SLC1A7: variants seen among roughly 807,000 people sequenced by gnomAD.
SLC1A7 encodes solute carrier family 1 member 7.
SLC1A7 carries 40 observed loss-of-function variants against 47.7 expected under a neutral mutation model. That is an observed-to-expected ratio of 0.84 (90% CI 0.65 to 1.09). SLC1A7 has a LOEUF of 1.09. Among genes scored for constraint, SLC1A7 ranks in the 50% least tolerant of loss-of-function variants. The pLI is 0.00. For synonymous variants in SLC1A7, 323 were observed against 325.6 expected (o/e 0.99, Z 0.09); for missense variants, 746 against 769.5 (o/e 0.97, Z 0.36).
chr1:53,100,351 C>CTG (rs1387693899), intron 5 of SLC1A7, among the ~76,000 whole-genome samples: 1 of 143,502 alleles, frequency 7.0e-6, no homozygotes, highest in African/African-American at 2.9e-5. Context: ...CTCACACAAC[C>CTG]CAACTCAGTA....
intron 1 of SLC1A7, among the ~76,000 whole-genome samples, chr1:53,138,745 T>C (rs767150735): frequency 6.6e-6 from 1 of 152,328 alleles, no homozygotes; most frequent in Non-Finnish European, 1.5e-5. Context: ...CACTGTGTAA[T>C]GTTCAAATCA....
chr1:53,105,782 G>T lies in SLC1A7; in HGVS notation c.432-8C>A. The T allele has an allele frequency of 6.2e-7, 1 of 1,613,042 alleles. No homozygotes were observed. The highest frequency in any genetic ancestry group is 8.5e-7 in the Non-Finnish European group (1 of 1,179,184). ...TTGGCTGGGAACATGTTCCTAGGAA[G>T]AGAATCAGCAATTGAAAAATTCCAG... On this transcript the variant is annotated splice_polypyrimidine_tract_variant and splice_region_variant and intron_variant, in intron 3 of 10. Coordinates refer to ENST00000371494, the MANE Select transcript of SLC1A7 (RefSeq NM_006671.6).
chr1:53,097,435 C>G (rs61769973), intron 5 of SLC1A7, among the ~76,000 whole-genome samples: 11,299 of 136,960 alleles, frequency 0.082, 359 homozygotes, highest in Middle Eastern at 0.12. Context: ...CACACACCAC[C>G]TCGGTACACT....
chr1:53,135,105 T>C lies in SLC1A7; in HGVS notation c.136-676A>G, dbSNP rs143954809. Among the ~76,000 whole-genome samples the C allele has an allele frequency of 2.2e-3, 340 of 152,248 alleles. 1 individual carries two copies. Among genetic ancestry groups the C allele is most frequent in the African/African-American group, 7.6e-3 (317 of 41,530 alleles). On this transcript the variant is annotated intron_variant, in intron 1 of 10. Transcript: ENST00000371494. ...AGCACAGCGCCTGGATGACAGCCAA[T>C]GTTTGGTAATCCTGAAAATAACAGC...
chr1:53,092,884 T>A, intron 6 of SLC1A7, 97 bp from the exon 7 acceptor site: 1 of 763,502 alleles, frequency 1.3e-6, no homozygotes, highest in Non-Finnish European at 2.2e-6. Flanking sequence ...CTGAGCTTCC[T>A]GGGGCTCCTG....
chr1:53,092,523 T>C, intron 7 of SLC1A7, 31 bp downstream of exon 7: 1 of 1,519,086 alleles, frequency 6.6e-7, no homozygotes. Flanking sequence ...CCCTCCCAGC[T>C]CCCCACCGTC....
Position 53,139,004 on chromosome 1 carries a change from C to T in SLC1A7, c.135+3311G>A, listed in dbSNP as rs114241824. On this transcript the variant is annotated intron_variant, in intron 1 of 10. Coordinates refer to ENST00000371494, the MANE Select transcript of SLC1A7 (RefSeq NM_006671.6). Reference sequence around the variant, plus strand: ...CCTTGTCTCTGCTTCACTAGAGACCCACTTTTCTCTTTGTTTCTCTCATTA... The same window carrying T: ...CCTTGTCTCTGCTTCACTAGAGACCTACTTTTCTCTTTGTTTCTCTCATTA... 3.0e-3 allele frequency among the ~76,000 whole-genome samples: 454 copies of T among 152,264 alleles called. 3 individuals are homozygous for T. Among genetic ancestry groups the T allele is most frequent in the African/African-American group, 0.01 (435 of 41,546 alleles).
At chr1:53,110,296 C>T (rs1004913267) in intron 3 of SLC1A7, among the ~76,000 whole-genome samples, 2 of 152,192 alleles carry the variant, frequency 1.3e-5, no homozygotes, top group Admixed American at 6.5e-5. Flanking sequence ...GGAGATGAGG[C>T]CACAGGTCTC....
Position 53,140,964 on chromosome 1 carries a change from A to T in SLC1A7, c.135+1351T>A, listed in dbSNP as rs896263857. Among the ~76,000 whole-genome samples the T allele has an allele frequency of 1.3e-4, 20 of 152,062 alleles. 1 individual carries two copies. Among genetic ancestry groups the T allele is most frequent in the Admixed American group, 1.1e-3 (17 of 15,268 alleles). On this transcript the variant is annotated intron_variant, in intron 1 of 10. Transcript: ENST00000371494. Reference sequence around the variant, plus strand: ...AATGGAAGACAAAGTCTAATGCCTGACCCCAGTTGTAGAGATGGCATTAGA... The same window carrying T: ...AATGGAAGACAAAGTCTAATGCCTGTCCCCAGTTGTAGAGATGGCATTAGA...
At chr1:53,106,497 A>G (rs900518402) in intron 3 of SLC1A7, among the ~76,000 whole-genome samples, 26 of 151,606 alleles carry the variant, frequency 1.7e-4, no homozygotes, top group African/African-American at 6.3e-4. Context: ...CCAGCTACTC[A>G]GGAGGCTGAG....
In SLC1A7 at chr1:53,103,482, G is replaced by A; in HGVS notation, c.561C>T (p.Val187=). 3.7e-6 allele frequency: 6 copies of A among 1,613,290 alleles called. No individual in the cohort carries two copies. The highest frequency in any genetic ancestry group is 5.1e-6 in the Non-Finnish European group (6 of 1,179,720). Residue 187 remains valine, a synonymous_variant, in exon 5 of 11, where the codon GTC becomes GTT. Coordinates refer to ENST00000371494, the MANE Select transcript of SLC1A7 (RefSeq NM_006671.6). The stretch of plus-strand genomic sequence containing the variant: ...GCACATGGGAGCCATTCTCCTCCTG[G>A]ACCCCGTAGATGAGGATCCGCCGAG... The part of the protein sequence containing the change: ...APPRRILIYG[V]QEENGSHVQN...
intron 2 of SLC1A7, among the ~76,000 whole-genome samples, chr1:53,127,135 C>T (rs540525292): frequency 7.2e-6 from 1 of 138,070 alleles, no homozygotes; most frequent in South Asian, 2.3e-4. Flanking sequence ...AAGTTCAGCT[C>T]CTAACTGTCC....
chr1:53,093,172 C>T (rs1220962896), intron 6 of SLC1A7, among the ~76,000 whole-genome samples: 1 of 152,160 alleles, frequency 6.6e-6, no homozygotes, highest in Non-Finnish European at 1.5e-5. Context: ...TTCCTTTCTC[C>T]AAAAGCTGAG....
rs1470275419 is a variant in SLC1A7 at position 53,129,535 on chromosome 1, TGGG to T, written c.215+4812_215+4814del. Among the ~76,000 whole-genome samples, 685 of 137,474 alleles carry T rather than the reference TGGG, an allele frequency of 5.0e-3. 1 individual carries two copies. Among genetic ancestry groups the T allele is most frequent in the East Asian group, 9.3e-3 (42 of 4,506 alleles). 90.2% of individuals were successfully genotyped at this position (137,474 alleles called of 152,430 possible). A position where few individuals can be genotyped will look rare whatever the true frequency, so the allele number is the denominator to read the frequency against. ...AAGCACACATGTCTGAGGAGGGACT[TGGG>T]CCAGGGGCTGGGTTGGAGAAATTCT... On this transcript the variant is annotated intron_variant, in intron 2 of 10. Transcript: ENST00000371494.
intron 9 of SLC1A7, 117 bp from the exon 10 acceptor site, chr1:53,089,096 A>C: frequency 4.9e-6 from 4 of 813,152 alleles, no homozygotes; most frequent in Non-Finnish European, 8.4e-6. Flanking sequence ...CAAAGCCTGC[A>C]GCCAGATGGC....
chr1:53,126,964 G>A (rs1644889000), intron 2 of SLC1A7, among the ~76,000 whole-genome samples: 1 of 151,354 alleles, frequency 6.6e-6, no homozygotes, highest in African/African-American at 2.4e-5. Context: ...CTGGGCTCAA[G>A]CGATCCTCCC....
intron 9 of SLC1A7, among the ~76,000 whole-genome samples, chr1:53,089,556 G>T (rs922593818): frequency 1.3e-5 from 2 of 152,176 alleles, no homozygotes; most frequent in Non-Finnish European, 2.9e-5. Context: ...ACATATAGGC[G>T]TGAGTCATCA....
chr1:53,098,027 A>G (rs1263404860), intron 5 of SLC1A7, among the ~76,000 whole-genome samples: 1 of 149,512 alleles, frequency 6.7e-6, no homozygotes, highest in African/African-American at 2.5e-5. Context: ...CTGCCTCGGT[A>G]CACTCACATA....
At chr1:53,100,875 G>A (rs1389656198) in intron 5 of SLC1A7, among the ~76,000 whole-genome samples, 1 of 146,196 alleles carries the variant, frequency 6.8e-6, no homozygotes, top group Admixed American at 6.8e-5. Flanking sequence ...CACACACTTT[G>A]CCTTGGTACA....
Sources: allele counts gnomAD v4.1 joint callset (sites outside exome capture counted in the v4.1 genomes callset), GRCh38; gene constraint gnomAD v4.1.1; transcripts MANE v1.5; gene names NCBI Gene and HGNC (gene_info 2026-07-23, HGNC 2026-07-21).